Variants in SATB1 observed in about 807,000 individuals in gnomAD.
SATB1 encodes the protein SATB homeobox 1.
SATB1 carries 11 observed loss-of-function variants against 86.9 expected under a neutral mutation model. The observed-to-expected ratio is 0.13, with a 90% CI of 0.08 to 0.21. SATB1 has a LOEUF of 0.21. Ranked by LOEUF, SATB1 falls within the 10% of genes least tolerant of loss-of-function variation. SATB1 has a pLI of 1.00. For synonymous variants in SATB1, 357 were observed against 357.2 expected, an observed-to-expected ratio of 1.00 and a Z score of 0.01; for missense variants, 551 against 937.6, an observed-to-expected ratio of 0.59 and a Z score of 5.39.
chr3:18,378,020 A>G, intron 9 of SATB1, 150 bp downstream of exon 9: 3 of 673,304 alleles, frequency 4.5e-6, no homozygotes, highest in Non-Finnish European at 6.8e-6. Context: ...CCTGAATTTG[A>G]ATATTGTTTC....
Position 18,425,152 on chromosome 3 carries a change from C to T in SATB1, c.-1550G>A, listed in dbSNP as rs555179802. On this transcript the variant is annotated 5_prime_UTR_variant, in exon 1 of 11. Coordinates refer to ENST00000338745, the MANE Select transcript of SATB1 (RefSeq NM_002971.6). ...CCGCCGCTGCTCCTGCTGCTGCTGC[C>T]GCCGCCGCCGCCGCTGCCGCTGTGG... is the stretch of plus-strand genomic sequence containing the variant. 639 of 171,936 alleles carry T rather than the reference C, an allele frequency of 3.7e-3. 6 individuals are homozygous for T. Among genetic ancestry groups the T allele is most frequent in the African/African-American group, 0.014 (594 of 41,530 alleles). The allele number at this position is 171,936 out of a possible 1,614,324, so 10.7% of individuals were successfully genotyped here.
rs764173256 is a variant in SATB1 at position 18,349,551 on chromosome 3, T to C, written c.1911A>G (p.Ser637=). ...GGGTCTTCTGTCGGTTTTCCTCATC[T>C]GACTCTGCTGGAGAGGCCACCGTGG... The part of the protein sequence containing the change: ...RQPTVASPAE[S]DEENRQKTRP... The change falls in exon 11 of 11, where the codon TCA becomes TCG. Residue 637 remains serine (S), a synonymous_variant. Transcript: ENST00000338745. This position sits in a 1 kb window ranked among gnomAD's most constrained non-coding sequence, Gnocchi z 5.5. The C allele has an allele frequency of 6.2e-6, 10 of 1,613,980 alleles. No homozygotes were observed. The Admixed American group carries it at 1.0e-4, about 16-fold the overall frequency.
intron 5 of SATB1, among the ~76,000 whole-genome samples, chr3:18,402,393 A>C (rs1453347633): frequency 6.6e-6 from 1 of 152,126 alleles, no homozygotes; most frequent in Non-Finnish European, 1.5e-5. Context: ...CATTTAAACC[A>C]AAACTGTTCA....
chr3:18,415,280 C>A (rs1559450667), intron 4 of SATB1, 46 bp from the exon 5 acceptor site: 3 of 1,608,178 alleles, frequency 1.9e-6, no homozygotes, highest in Admixed American at 3.4e-5. Flanking sequence ...AAGATTGCAT[C>A]CCGCTGCAGA....
upstream of SATB1, among the ~76,000 whole-genome samples, chr3:18,428,940 C>T (rs979619358): frequency 2.0e-5 from 3 of 152,142 alleles, no homozygotes; most frequent in Admixed American, 6.5e-5. Context: ...ATAGCAACTC[C>T]GCCAGTGACT....
chr3:18,434,131 C>A (rs1308052563), intron 2 of SATB1, among the ~76,000 whole-genome samples: 1 of 152,058 alleles, frequency 6.6e-6, no homozygotes, highest in Non-Finnish European at 1.5e-5. Flanking sequence ...AGAAACACTA[C>A]ATATTCACAT....
At chr3:18,410,335 C>T (rs1697766531) in intron 5 of SATB1, among the ~76,000 whole-genome samples, 2 of 151,944 alleles carry the variant, frequency 1.3e-5, no homozygotes, top group Non-Finnish European at 2.9e-5. Context: ...CTTTTTTAAA[C>T]TTCCTTTATC....
chr3:18,413,677 T>C (rs915459311), intron 5 of SATB1, among the ~76,000 whole-genome samples: 2 of 152,082 alleles, frequency 1.3e-5, no homozygotes, highest in East Asian at 1.9e-4. Flanking sequence ...ATTCCAAGGG[T>C]GAGAGAGGGA....
rs751038905 is a variant in SATB1 at position 18,420,991 on chromosome 3, C to T, written c.-24G>A. 4 of 1,608,972 alleles carry T rather than the reference C, an allele frequency of 2.5e-6. No homozygotes were observed. In the African/African-American group the frequency reaches 5.3e-5, roughly 22 times the overall value. ...ATACTCAGTCACTGTCTAAAGATCA[C>T]CTGCCAGAATTTAAAAAGAAGACAC... On this transcript the variant is annotated splice_region_variant and 5_prime_UTR_variant, in exon 2 of 11. The change creates a new upstream start codon in the 5' untranslated region. Transcript: ENST00000338745.
chr3:18,411,005 A>T, intron 5 of SATB1: 1 of 395,132 alleles, frequency 2.5e-6, no homozygotes, highest in South Asian at 1.3e-4. Flanking sequence ...TTTAAAATTT[A>T]TTTTTCCATT....
intron 2 of SATB1, among the ~76,000 whole-genome samples, chr3:18,432,909 A>C (rs1333384636): frequency 6.6e-6 from 1 of 152,114 alleles, no homozygotes; most frequent in Non-Finnish European, 1.5e-5. Flanking sequence ...ACAATGAGCT[A>C]CATCACATTG....
At chr3:18,417,115 A>G in intron 2 of SATB1, 37 bp from the exon 3 acceptor site, 1 of 1,595,798 alleles carries the variant, frequency 6.3e-7, no homozygotes, top group Non-Finnish European at 8.5e-7. Flanking sequence ...TGGAAAACCA[A>G]CAATCTTCAG....
At chr3:18,425,702 C>A (rs945101225), upstream of SATB1, among the ~76,000 whole-genome samples, 23 of 151,622 alleles carry the variant, frequency 1.5e-4, no homozygotes, top group Admixed American at 1.4e-3. Context: ...CGCCGCCAGA[C>A]GCGCCAGGGA....
rs949699814 is a variant in SATB1, at chr3:18,444,707, C to G, written c.-25+811G>C. The G allele has an allele frequency of 2.1e-6, 2 of 959,184 alleles. No individual in the cohort carries two copies. Among genetic ancestry groups the G allele is most frequent in the Non-Finnish European group, 1.2e-6 (1 of 806,758 alleles). 59.4% of individuals were successfully genotyped at this position (959,184 alleles called of 1,614,324 possible). A position where few individuals can be genotyped will look rare whatever the true frequency, so the allele number is the denominator to read the frequency against. ...CGCCGGCGTCGGACTTCCGAGGCGG[C>G]GGCTTCTGCCTCTCCTGCCGCCGCC... On this transcript the variant is annotated intron_variant, in intron 1 of 3. Coordinates refer to the SATB1 transcript ENST00000415069. The surrounding 1 kb of genome is among the most constrained non-coding windows in gnomAD (Gnocchi z 5.1).
Position 18,410,863 on chromosome 3 carries a change from C to T in SATB1, c.639+4248G>A, listed in dbSNP as rs1697800242. ...TAACATGATAGATTTGTAATTGTTG[C>T]TCCAATATCATTTATAATACAGACT... On this transcript the variant is annotated intron_variant, in intron 5 of 10. Coordinates refer to ENST00000338745, the MANE Select transcript of SATB1 (RefSeq NM_002971.6). 3 of 372,700 alleles carry T rather than the reference C, an allele frequency of 8.0e-6. No individual in the cohort carries two copies. The South Asian group carries it at 4.4e-4, about 55-fold the overall frequency. The allele number at this position is 372,700 out of a possible 1,614,324, so 23.1% of individuals were successfully genotyped here.
Position 18,444,516 on chromosome 3 carries a change from G to C in SATB1, c.-25+1002C>G. The C allele has an allele frequency of 1.1e-6, 1 of 926,376 alleles. No homozygotes were observed. The highest frequency in any genetic ancestry group is 5.0e-5 in the South Asian group (1 of 20,132). The allele number at this position is 926,376 out of a possible 1,614,324, so 57.4% of individuals were successfully genotyped here. A position where few individuals can be genotyped will look rare whatever the true frequency, so the allele number is the denominator to read the frequency against. On this transcript the variant is annotated intron_variant, in intron 1 of 3. Transcript: ENST00000415069. The surrounding 1 kb of genome is among the most constrained non-coding windows in gnomAD (Gnocchi z 5.1). ...TAGGGGACGAGGAGTGGGTGCTACG[G>C]AGAAGTTTGGATTGATTCCGGAAAA...
chr3:18,412,322 T>C (rs139329998), intron 5 of SATB1, among the ~76,000 whole-genome samples: 39 of 152,106 alleles, frequency 2.6e-4, no homozygotes, highest in African/African-American at 4.8e-4. Context: ...CCTAAGAGCA[T>C]TGGAGGCAGG....
intron 9 of SATB1, among the ~76,000 whole-genome samples, chr3:18,369,211 T>A (rs1056123142): frequency 6.7e-6 from 1 of 150,278 alleles, no homozygotes; most frequent in East Asian, 2.0e-4. Flanking sequence ...ACTACCTGTG[T>A]CCAGTCTTAG....
In SATB1 at chr3:18,418,068, A is replaced by G. The variant is rs528912355; in HGVS notation, c.212-990T>C. On this transcript the variant is annotated intron_variant, in intron 2 of 10. Transcript: ENST00000338745. ...CCAATGATAACGGAAAAGGGTTAAA[A>G]GCAGATGCATCTGAATTGTACTGTG... 2.6e-5 allele frequency among the ~76,000 whole-genome samples: 4 copies of G among 152,292 alleles called. No individual in the cohort carries two copies. In the South Asian group the frequency reaches 8.3e-4, roughly 32 times the overall value.
Sources: allele counts gnomAD v4.1 joint callset (sites outside exome capture counted in the v4.1 genomes callset), GRCh38; gene constraint gnomAD v4.1.1; non-coding constraint Gnocchi (gnomAD v3.1); transcripts MANE v1.5; gene names NCBI Gene and HGNC (gene_info 2026-07-23, HGNC 2026-07-21).